KIAA0586: variants seen among roughly 807,000 people sequenced by gnomAD.
KIAA0586 encodes KIAA0586.
KIAA0586 carries 144 observed loss-of-function variants against 169.8 expected under a neutral mutation model. The observed-to-expected ratio is 0.85, with a 90% CI of 0.74 to 0.97. The LOEUF (loss-of-function observed/expected upper bound fraction) is 0.97, where lower values mean the gene tolerates loss of function less well. KIAA0586 is among the 50% of genes least tolerant of loss of function. The pLI, the probability that KIAA0586 is intolerant of heterozygous loss-of-function variation, is 0.00. For missense variants in KIAA0586, 1,854 were observed against 1,823.0 expected (o/e 1.02, Z -0.31); for synonymous variants, 625 against 612.4 (o/e 1.02, Z -0.30).
At chr14:58,458,387 A>G in intron 11 of KIAA0586, 86 bp from the exon 12 acceptor site, 2 of 711,652 alleles carry the variant, frequency 2.8e-6, no homozygotes, top group Non-Finnish European at 4.8e-6. Context: ...TAGCAGGTTC[A>G]CAACTAGATA....
Position 58,487,870 on chromosome 14 carries a change from T to TTA in KIAA0586, c.3305-17_3305-16insTA. ...TGACTACTATCTTTTTCTGTCCTTTTAAAAAAAAACCTTTAGGAGATGATA... is the reference window on the plus strand; with the variant it reads ...TGACTACTATCTTTTTCTGTCCTTTTTAAAAAAAAAACCTTTAGGAGATGATA... On this transcript the variant is annotated splice_polypyrimidine_tract_variant and intron_variant, in intron 22 of 30. Coordinates refer to ENST00000652326, the MANE Select transcript of KIAA0586 (RefSeq NM_001329943.3). The TTA allele has an allele frequency of 2.2e-6, 3 of 1,369,926 alleles. No homozygotes were observed. The highest frequency in any genetic ancestry group is 3.0e-6 in the Non-Finnish European group (3 of 993,900). 84.9% of individuals were successfully genotyped at this position (1,369,926 alleles called of 1,614,324 possible).
intron 21 of KIAA0586, among the ~76,000 whole-genome samples, chr14:58,483,182 C>T (rs1377896664): frequency 2.0e-5 from 3 of 151,882 alleles, no homozygotes; most frequent in African/African-American, 4.8e-5. Flanking sequence ...ATATGGATTT[C>T]TTATCTCATG....
At chr14:58,444,317 T>A in intron 6 of KIAA0586, 142 bp downstream of exon 6, 1 of 644,166 alleles carries the variant, frequency 1.6e-6, no homozygotes, top group South Asian at 2.0e-5. Context: ...TTTCTTCTCC[T>A]GTAATGCGGG....
chr14:58,482,092 G>A (rs529486830), intron 20 of KIAA0586, among the ~76,000 whole-genome samples: 1 of 151,754 alleles, frequency 6.6e-6, no homozygotes, highest in South Asian at 2.1e-4. Flanking sequence ...GATTACAGGC[G>A]TGAGCCACCG....
chr14:58,458,855 G>C (rs1160251990), intron 12 of KIAA0586, among the ~76,000 whole-genome samples: 1 of 152,162 alleles, frequency 6.6e-6, no homozygotes, highest in Non-Finnish European at 1.5e-5. Flanking sequence ...TTTGAAGACA[G>C]TGGATTTAGG....
intron 29 of KIAA0586, among the ~76,000 whole-genome samples, chr14:58,528,098 A>G (rs2045716181): frequency 6.6e-6 from 1 of 152,254 alleles, no homozygotes; most frequent in African/African-American, 2.4e-5. Context: ...AGATAAAAAA[A>G]GACAAAGAAG....
intron 29 of KIAA0586, chr14:58,521,186 A>C: frequency 6.8e-6 from 5 of 736,990 alleles, no homozygotes. Context: ...CTTCAGCTAC[A>C]TTTTTGGCTT....
rs564547738 is a variant in KIAA0586 at position 58,472,187 on chromosome 14, A to G, written c.2554-12A>G. ...TAAGCACAACAAAAACTTTCTGAAAATGCTTTCTTAGACTCCAGAAATTAT... is the reference window on the plus strand; with the variant it reads ...TAAGCACAACAAAAACTTTCTGAAAGTGCTTTCTTAGACTCCAGAAATTAT... On this transcript the variant is annotated splice_polypyrimidine_tract_variant and intron_variant, in intron 17 of 30. Coordinates refer to ENST00000652326, the MANE Select transcript of KIAA0586 (RefSeq NM_001329943.3). The G allele has an allele frequency of 4.0e-6, 6 of 1,504,030 alleles. No individual in the cohort carries two copies. The South Asian group carries it at 5.2e-5, about 13-fold the overall frequency. The allele number at this position is 1,504,030 out of a possible 1,614,324, so 93.2% of individuals were successfully genotyped here. A position where few individuals can be genotyped will look rare whatever the true frequency, so the allele number is the denominator to read the frequency against.
chr14:58,466,627 G>A (rs1430653321), intron 15 of KIAA0586, among the ~76,000 whole-genome samples: 5 of 152,122 alleles, frequency 3.3e-5, no homozygotes, highest in Non-Finnish European at 7.4e-5. Flanking sequence ...CTACTCTGGA[G>A]GCTGAAGCAG....
intron 1 of KIAA0586, among the ~76,000 whole-genome samples, chr14:58,428,713 T>C (rs1177657606): frequency 6.6e-6 from 1 of 150,668 alleles, no homozygotes; most frequent in East Asian, 1.9e-4. Flanking sequence ...TTTTTTTTTA[T>C]ATTTATGGTG....
At chr14:58,510,375 GA>G (rs1447231189) in intron 28 of KIAA0586, among the ~76,000 whole-genome samples, 2 of 151,750 alleles carry the variant, frequency 1.3e-5, no homozygotes, top group Non-Finnish European at 1.5e-5. Context: ...CTTGAAAAAA[GA>G]AAAAAAGATT....
At chr14:58,431,025 A>G (rs567484704) in intron 3 of KIAA0586, among the ~76,000 whole-genome samples, 5 of 152,244 alleles carry the variant, frequency 3.3e-5, no homozygotes, top group Non-Finnish European at 7.3e-5. Context: ...TTCACTTAGC[A>G]TAATGTTTTA....
chr14:58,506,610 C>G (rs1431640862), intron 27 of KIAA0586, among the ~76,000 whole-genome samples: 1 of 151,644 alleles, frequency 6.6e-6, no homozygotes, highest in East Asian at 1.9e-4. Flanking sequence ...TCGCTTGAAC[C>G]CGGGAGGTGG....
the KIAA0586 span, among the ~76,000 whole-genome samples, chr14:58,556,824 C>T: frequency 6.6e-6 from 1 of 152,202 alleles, no homozygotes; most frequent in Non-Finnish European, 1.5e-5. Context: ...CGGCTCACTG[C>T]AACCTCCACC....
chr14:58,474,333 T>C (rs1407286863), intron 18 of KIAA0586, among the ~76,000 whole-genome samples: 1 of 152,234 alleles, frequency 6.6e-6, no homozygotes, highest in Non-Finnish European at 1.5e-5. Flanking sequence ...TAGTGTTTTA[T>C]GTAGGAATAA....
At chr14:58,543,131 C>A (rs368224368) in intron 30 of KIAA0586, among the ~76,000 whole-genome samples, 992 of 119,466 alleles carry the variant, frequency 8.3e-3, no homozygotes, top group East Asian at 0.011. Context: ...GATTACGTCT[C>A]AAAAAAAAAA....
chr14:58,496,502 G>A (rs1031998691), intron 26 of KIAA0586, among the ~76,000 whole-genome samples: 2 of 152,170 alleles, frequency 1.3e-5, no homozygotes, highest in African/African-American at 4.8e-5. Context: ...CACTGCCCAA[G>A]AGTCTCCAAG....
chr14:58,499,770 G>A (rs1355578526), intron 27 of KIAA0586, among the ~76,000 whole-genome samples: 1 of 151,310 alleles, frequency 6.6e-6, no homozygotes, highest in Non-Finnish European at 1.5e-5. Flanking sequence ...TGTTGGCCAG[G>A]CTGGTCTCGA....
intron 29 of KIAA0586, among the ~76,000 whole-genome samples, chr14:58,533,465 T>C (rs2140032955): frequency 6.6e-6 from 1 of 152,362 alleles, no homozygotes; most frequent in African/African-American, 2.4e-5. Flanking sequence ...CATGGCTGTT[T>C]CTTGTTTGCA....
Sources: gnomAD v4.1 joint callset for allele counts (sites outside exome capture counted in the v4.1 genomes callset) on GRCh38, gnomAD v4.1.1 for gene constraint, MANE v1.5 for transcripts, NCBI Gene and HGNC (gene_info 2026-07-23, HGNC 2026-07-21) for gene names.